The following ADAMTS2 variants were observed in gnomAD, a reference collection of about 807,000 sequenced individuals.
The protein encoded by ADAMTS2 is ADAM metallopeptidase with thrombospondin type 1 motif 2, also known as A disintegrin and metalloproteinase with thrombospondin motifs 2.
A neutral mutation model predicts 123.0 loss-of-function variants in ADAMTS2; 50 were observed. That is an observed-to-expected ratio of 0.41 (90% CI 0.32 to 0.51). The LOEUF (loss-of-function observed/expected upper bound fraction) is 0.51. Ranked by LOEUF, ADAMTS2 falls within the 20% of genes least tolerant of loss-of-function variation. The pLI is 0.35. For synonymous variants in ADAMTS2, 678 were observed against 695.4 expected, an observed-to-expected ratio of 0.98 and a Z score of 0.39; for missense variants, 1,494 against 1,705.2, an observed-to-expected ratio of 0.88 and a Z score of 2.18.
chr5:179,258,688 G>A (rs972564811), intron 3 of ADAMTS2, among the ~76,000 whole-genome samples: 1 of 152,190 alleles, frequency 6.6e-6, no homozygotes, highest in Non-Finnish European at 1.5e-5. Context: ...CAGACACAGG[G>A]ACCTTCCCAG....
chr5:179,290,701 CT>C (rs1756160359), intron 2 of ADAMTS2, among the ~76,000 whole-genome samples: 1 of 152,212 alleles, frequency 6.6e-6, no homozygotes, highest in African/African-American at 2.4e-5. Context: ...CCCAGCCTCC[CT>C]CAGTGCTCTC....
Position 179,129,864 on chromosome 5 carries a change from A to C in ADAMTS2, c.2457+68T>G, listed in dbSNP as rs1271778966. On this transcript the variant is annotated intron_variant, in intron 16 of 21. Coordinates refer to ENST00000251582, the MANE Select transcript of ADAMTS2 (RefSeq NM_014244.5). This position sits in a 1 kb window ranked among gnomAD's most constrained non-coding sequence, Gnocchi z 4.1. ...GAAGGGTCAGGAGGCTCAGCGTCCC[A>C]GGCACCCCCATCCCTCCCCCAGTGG... 1.3e-6 allele frequency: 2 copies of C among 1,597,302 alleles called. No individual in the cohort carries two copies. Among genetic ancestry groups the C allele is most frequent in the African/African-American group, 2.7e-5 (2 of 74,646 alleles).
chr5:179,225,780 T>A lies in ADAMTS2; in HGVS notation c.689-18065A>T, dbSNP rs1453637098. On this transcript the variant is annotated intron_variant, in intron 3 of 21. Coordinates refer to ENST00000251582, the MANE Select transcript of ADAMTS2 (RefSeq NM_014244.5). The surrounding 1 kb of genome is among the most constrained non-coding windows in gnomAD (Gnocchi z 4.5). The stretch of plus-strand genomic sequence containing the variant: ...CTTCCCCCATCTGCTGAGAGCTACT[T>A]CCACTCAATAAAACCTCGCACTCAT... Among the ~76,000 whole-genome samples, 3 of 152,118 alleles carry A rather than the reference T, an allele frequency of 2.0e-5. No individual in the cohort carries two copies. The highest frequency in any genetic ancestry group is 7.2e-5 in the African/African-American group (3 of 41,420).
intron 3 of ADAMTS2, among the ~76,000 whole-genome samples, chr5:179,232,928 T>A (rs1176675388): frequency 4.6e-5 from 7 of 152,188 alleles, no homozygotes; most frequent in African/African-American, 1.7e-4. Flanking sequence ...ATTACAAGCA[T>A]AAAATATGGC....
chr5:179,283,945 G>GATGATTATT (rs1554095053), intron 2 of ADAMTS2, among the ~76,000 whole-genome samples: 1 of 120,532 alleles, frequency 8.3e-6, no homozygotes, highest in African/African-American at 3.4e-5. Flanking sequence ...ATGGTCAGAT[G>GATGATTATT]ATTATTATTA....
Position 179,242,942 on chromosome 5 carries a change from G to T in ADAMTS2, c.688+29969C>A, listed in dbSNP as rs1187537731. ...CCGTCTCAGGTGCAGCAGGGCGAGAGTGCTGGGCTCCTAATCACCCTAAGT... is the reference window on the plus strand; with the variant it reads ...CCGTCTCAGGTGCAGCAGGGCGAGATTGCTGGGCTCCTAATCACCCTAAGT... On this transcript the variant is annotated intron_variant, in intron 3 of 21. Transcript: ENST00000251582. This position sits in a 1 kb window ranked among gnomAD's most constrained non-coding sequence, Gnocchi z 4.2. Among the ~76,000 whole-genome samples the T allele has an allele frequency of 6.6e-6, 1 of 152,168 alleles. No individual in the cohort carries two copies. The highest frequency in any genetic ancestry group is 1.5e-5 in the Non-Finnish European group (1 of 68,038).
intron 8 of ADAMTS2, 59 bp downstream of exon 8, chr5:179,153,990 T>A: frequency 2.6e-6 from 4 of 1,559,558 alleles, no homozygotes; most frequent in Non-Finnish European, 3.5e-6. Flanking sequence ...ACTTGCACCC[T>A]CCCAGAGCTG....
chr5:179,305,233 C>T (rs907623960), intron 2 of ADAMTS2, among the ~76,000 whole-genome samples: 1 of 151,990 alleles, frequency 6.6e-6, no homozygotes, highest in African/African-American at 2.4e-5. Context: ...GAAAATGATG[C>T]TAGAAAGAAA....
intron 5 of ADAMTS2, among the ~76,000 whole-genome samples, chr5:179,159,280 TCA>T (rs1041742382): frequency 2.0e-5 from 3 of 152,212 alleles, no homozygotes; most frequent in Non-Finnish European, 2.9e-5. Context: ...CCCAAAGAGC[TCA>T]CAGTTTTGGG....
intron 3 of ADAMTS2, among the ~76,000 whole-genome samples, chr5:179,259,638 A>G (rs1455402908): frequency 3.9e-5 from 6 of 152,256 alleles, no homozygotes. Context: ...TGTGGCAGTC[A>G]CAGGGGCACA....
intron 9 of ADAMTS2, among the ~76,000 whole-genome samples, chr5:179,152,700 C>T (rs977286406): frequency 2.6e-5 from 4 of 152,164 alleles, no homozygotes; most frequent in Non-Finnish European, 4.4e-5. Context: ...CCTGATAGCA[C>T]TTCCTGCAGG....
chr5:179,113,941 C>A lies in ADAMTS2; in HGVS notation c.3562G>T (p.Glu1188Ter), dbSNP rs768095088. Reference protein sequence around the residue: ...NLIPRRPSPYEKTRNQRIQEL... With the variant: ...NLIPRRPSPY ...TGGATTCTTTGGTTTCTGGTCTTTT[C>A]ATAGGGGCTCGGTCGTCGAGGGATT... is the stretch of plus-strand genomic sequence containing the variant. The change falls in exon 22 of 22, where the codon GAA becomes TAA. Residue 1188 changes from glutamate (E) to a stop codon, truncating the protein, a stop_gained. Coordinates refer to ENST00000251582, the MANE Select transcript of ADAMTS2 (RefSeq NM_014244.5). LOFTEE classifies it high-confidence loss of function. 6.8e-6 allele frequency: 11 copies of A among 1,614,190 alleles called. 1 individual carries two copies. In the South Asian group the frequency reaches 1.2e-4, roughly 18 times the overall value.
rs375571674 is a variant in ADAMTS2 at position 179,300,773 on chromosome 5, C to T, written c.535-27709G>A. Among the ~76,000 whole-genome samples, 38 of 152,310 alleles carry T rather than the reference C, an allele frequency of 2.5e-4. No homozygotes were observed. In the East Asian group the frequency reaches 4.4e-3, roughly 18 times the overall value. ...TTTAAGGCCAAGCTCCGAATAAACA[C>T]GATGATATTATTTTATTTAAGAGTC... On this transcript the variant is annotated intron_variant, in intron 2 of 21. Coordinates refer to ENST00000251582, the MANE Select transcript of ADAMTS2 (RefSeq NM_014244.5).
rs939561300 is a variant in ADAMTS2, at chr5:179,329,853, G to A, written c.534+13914C>T. ...TAAAGAAACAAGTTTCAGGCCGGGC[G>A]TGGTGGCTCACGCCTGTAATCCCAG... On this transcript the variant is annotated intron_variant, in intron 2 of 21. Coordinates refer to ENST00000251582, the MANE Select transcript of ADAMTS2 (RefSeq NM_014244.5). Among the ~76,000 whole-genome samples the A allele has an allele frequency of 3.9e-5, 6 of 152,170 alleles. 1 individual carries two copies. In the East Asian group the frequency reaches 5.8e-4, roughly 15 times the overall value.
chr5:179,192,353 C>T (rs996040992), intron 4 of ADAMTS2, among the ~76,000 whole-genome samples: 2 of 152,246 alleles, frequency 1.3e-5, no homozygotes, highest in African/African-American at 4.8e-5. Context: ...ATGCAGGGTG[C>T]TTTCCAACAC....
Position 179,228,899 on chromosome 5 carries a change from C to T in ADAMTS2, c.689-21184G>A, listed in dbSNP as rs905163435. On this transcript the variant is annotated intron_variant, in intron 3 of 21. Coordinates refer to ENST00000251582, the MANE Select transcript of ADAMTS2 (RefSeq NM_014244.5). This position sits in a 1 kb window ranked among gnomAD's most constrained non-coding sequence, Gnocchi z 5.2. ...CACTGAAGTCTGTGGTGTGCGGTCA[C>T]CTGAGAACAGCTCAGTCAGTCTGGC... 1.3e-5 allele frequency among the ~76,000 whole-genome samples: 2 copies of T among 152,196 alleles called. No individual in the cohort carries two copies. Among genetic ancestry groups the T allele is most frequent in the Non-Finnish European group, 2.9e-5 (2 of 68,038 alleles).
chr5:179,207,471 A>ACCCAGC (rs1561805295), intron 4 of ADAMTS2, 42 bp downstream of exon 4: 7 of 1,026,470 alleles, frequency 6.8e-6, no homozygotes, highest in Middle Eastern at 2.1e-4. Flanking sequence ...CCCCTGGTTG[A>ACCCAGC]CCCTCCCCGC....
rs139978660 is a variant in ADAMTS2, at chr5:179,277,319, A to ACC, written c.535-4256_535-4255insGG. 2.7e-4 allele frequency among the ~76,000 whole-genome samples: 17 copies of ACC among 62,644 alleles called. 1 individual carries two copies. Among genetic ancestry groups the ACC allele is most frequent in the African/African-American group, 6.0e-4 (5 of 8,360 alleles). 41.1% of individuals were successfully genotyped at this position (62,644 alleles called of 152,430 possible). Reference sequence around the variant, plus strand: ...GCACCTGCCCCGAGACCAAAGGCTGACACCCCGAGACCAAAGGCTGACCCC... The same window carrying ACC: ...GCACCTGCCCCGAGACCAAAGGCTGACCCACCCCGAGACCAAAGGCTGACCCC... On this transcript the variant is annotated intron_variant, in intron 2 of 21. Coordinates refer to ENST00000251582, the MANE Select transcript of ADAMTS2 (RefSeq NM_014244.5).
chr5:179,301,013 G>A (rs1310890382), intron 2 of ADAMTS2, among the ~76,000 whole-genome samples: 1 of 152,094 alleles, frequency 6.6e-6, no homozygotes, highest in Non-Finnish European at 1.5e-5. Context: ...GTCTGGAGCC[G>A]GCGGCCAGCC....
Sources: allele counts gnomAD v4.1 joint callset (sites outside exome capture counted in the v4.1 genomes callset), GRCh38; gene constraint gnomAD v4.1.1; non-coding constraint Gnocchi (gnomAD v3.1); transcripts MANE v1.5; gene names NCBI Gene and HGNC (gene_info 2026-07-23, HGNC 2026-07-21).